The following PCDH15 variants were observed in gnomAD, a reference collection of about 807,000 sequenced individuals.
PCDH15 encodes the protein protocadherin-15.
Under a neutral mutation model 178.5 loss-of-function variants are expected in PCDH15, and 129 were observed. The ratio of observed to expected loss-of-function variants is 0.72; its 90% CI spans 0.63 to 0.84. PCDH15 has a LOEUF of 0.84. Ranked by LOEUF, PCDH15 falls within the 40% of genes least tolerant of loss-of-function variation. The pLI is 0.00. For synonymous variants in PCDH15, 800 were observed against 732.0 expected (o/e 1.09, Z -1.50); for missense variants, 2,230 against 2,099.9 (o/e 1.06, Z -1.21).
At chr10:53,957,886 C>T (rs548754640) in intron 23 of PCDH15, among the ~76,000 whole-genome samples, 1 of 152,196 alleles carries the variant, frequency 6.6e-6, no homozygotes, top group Admixed American at 6.5e-5. Context: ...CCTTTTAAAA[C>T]AGATTAAACA....
intron 3 of PCDH15, among the ~76,000 whole-genome samples, chr10:54,508,928 C>T (rs1317681101): frequency 1.3e-5 from 2 of 152,024 alleles, no homozygotes; most frequent in Admixed American, 6.6e-5. Context: ...TGTCAAAATG[C>T]AAAAGTCATT....
chr10:55,414,375 G>A (rs112880451), intron 2 of PCDH15, among the ~76,000 whole-genome samples: 1,887 of 151,536 alleles, frequency 0.012, 49 homozygotes, highest in African/African-American at 0.044. Flanking sequence ...AAAAATCCAC[G>A]ATTCATTTCA....
chr10:54,450,554 C>A (rs888936197), intron 3 of PCDH15, among the ~76,000 whole-genome samples: 14 of 151,590 alleles, frequency 9.2e-5, no homozygotes. Flanking sequence ...CTATGGCTTC[C>A]TTAAATTAAC....
At chr10:54,455,958 C>T (rs1280683021) in intron 3 of PCDH15, among the ~76,000 whole-genome samples, 1 of 152,126 alleles carries the variant, frequency 6.6e-6, no homozygotes, top group African/African-American at 2.4e-5. Context: ...TGCAGGTACA[C>T]AGAAGTCAAG....
chr10:55,434,697 C>G (rs1258745797), intron 2 of PCDH15, among the ~76,000 whole-genome samples: 1 of 151,776 alleles, frequency 6.6e-6, no homozygotes, highest in Non-Finnish European at 1.5e-5. Flanking sequence ...CCTCTGCCTC[C>G]CGAGTTCAAG....
At chr10:54,528,476 ATG>A in intron 2 of PCDH15, 4 of 1,164,550 alleles carry the variant, frequency 3.4e-6, no homozygotes, top group Non-Finnish European at 4.9e-6. Flanking sequence ...GAGAGAATAT[ATG>A]TATATATTTA....
chr10:55,126,762 G>C (rs1837910044), intron 2 of PCDH15, among the ~76,000 whole-genome samples: 1 of 151,974 alleles, frequency 6.6e-6, no homozygotes. Context: ...AATACTAGGA[G>C]AAAATTATCC....
At chr10:54,126,690 C>T (rs1428231632) in intron 15 of PCDH15, among the ~76,000 whole-genome samples, 1 of 151,520 alleles carries the variant, frequency 6.6e-6, no homozygotes, top group Non-Finnish European at 1.5e-5. Flanking sequence ...TTATACTTAA[C>T]ATAAATATAA....
chr10:54,961,756 C>A (rs1838661475), intron 2 of PCDH15, among the ~76,000 whole-genome samples: 1 of 151,526 alleles, frequency 6.6e-6, no homozygotes, highest in Non-Finnish European at 1.5e-5. Context: ...GCAGAAAGGT[C>A]CTAATCACTT....
intron 2 of PCDH15, among the ~76,000 whole-genome samples, chr10:55,516,250 T>G (rs958790449): frequency 2.6e-5 from 4 of 152,076 alleles, no homozygotes; most frequent in Non-Finnish European, 5.9e-5. Context: ...TCTGATGAAC[T>G]TATAAAGGGA....
chr10:54,126,721 G>A (rs776032126), intron 15 of PCDH15, among the ~76,000 whole-genome samples: 6 of 151,636 alleles, frequency 4.0e-5, no homozygotes, highest in Non-Finnish European at 7.4e-5. Context: ...GTTTATTTTT[G>A]AATGATTATC....
chr10:54,746,257 G>T (rs777247025), intron 1 of PCDH15, among the ~76,000 whole-genome samples: 22 of 152,050 alleles, frequency 1.4e-4, no homozygotes, highest in Admixed American at 3.3e-4. Context: ...ATGTTTCTAA[G>T]CACTGTCAAA....
intron 11 of PCDH15, among the ~76,000 whole-genome samples, chr10:54,194,217 T>A (rs1031632546): frequency 2.0e-5 from 3 of 150,178 alleles, no homozygotes; most frequent in African/African-American, 7.5e-5. Context: ...AGAAAAAAAA[T>A]CTGAAAGTGC....
intron 2 of PCDH15, among the ~76,000 whole-genome samples, chr10:54,661,350 G>A (rs891246504): frequency 7.9e-5 from 12 of 151,838 alleles, no homozygotes; most frequent in Admixed American, 2.6e-4. Context: ...GACCAATGAG[G>A]TAAAAGATGT....
At chr10:54,337,971 C>T (rs891534375) in intron 6 of PCDH15, among the ~76,000 whole-genome samples, 7 of 152,184 alleles carry the variant, frequency 4.6e-5, no homozygotes, top group East Asian at 3.9e-4. Flanking sequence ...AAGTCTCTTT[C>T]GTCCAAATTC....
chr10:53,928,199 T>C (rs1008038362), intron 25 of PCDH15, among the ~76,000 whole-genome samples: 5 of 152,094 alleles, frequency 3.3e-5, no homozygotes, highest in African/African-American at 1.2e-4. Flanking sequence ...CTTTTCCCCA[T>C]ATTTCTTTTT....
At chr10:54,305,279 T>C (rs978842) in intron 8 of PCDH15, among the ~76,000 whole-genome samples, 110,286 of 151,832 alleles carry the variant, frequency 0.73, 40,912 homozygotes, top group Middle Eastern at 0.83. Flanking sequence ...TGCTAACGAA[T>C]ACATCAGAGA....
chr10:54,784,570 T>C (rs1950664772), intron 1 of PCDH15, among the ~76,000 whole-genome samples: 1 of 152,016 alleles, frequency 6.6e-6, no homozygotes, highest in Non-Finnish European at 1.5e-5. Flanking sequence ...AGAGAATCAA[T>C]TCATCACCAC....
At chr10:53,895,614 A>T (rs959973030) in intron 26 of PCDH15, among the ~76,000 whole-genome samples, 2 of 152,204 alleles carry the variant, frequency 1.3e-5, no homozygotes, top group East Asian at 1.9e-4. Flanking sequence ...AGAGTTTTTT[A>T]AAATTAATCT....
Sources: gnomAD v4.1 joint callset for allele counts (sites outside exome capture counted in the v4.1 genomes callset) on GRCh38, gnomAD v4.1.1 for gene constraint, MANE v1.5 for transcripts, NCBI Gene and HGNC (gene_info 2026-07-23, HGNC 2026-07-21) for gene names.